AXDND1: variants seen among roughly 807,000 people sequenced by gnomAD.
The protein encoded by AXDND1 is axonemal dynein light chain domain containing 1, also known as axonemal dynein light chain domain-containing protein 1.
Under a neutral mutation model 137.5 loss-of-function variants are expected in AXDND1, and 110 were observed. The ratio of observed to expected loss-of-function variants is 0.80; its 90% CI spans 0.69 to 0.94. The LOEUF (loss-of-function observed/expected upper bound fraction) is 0.94. Among genes scored for constraint, AXDND1 ranks in the 40% least tolerant of loss-of-function variants. AXDND1 has a pLI of 0.00. For missense variants in AXDND1, 1,191 were observed against 1,169.8 expected, an observed-to-expected ratio of 1.02 and a Z score of -0.26; for synonymous variants, 414 against 399.7, an observed-to-expected ratio of 1.04 and a Z score of -0.43.
In AXDND1 at chr1:179,554,638, A is replaced by T. The variant is rs1673806028; in HGVS notation, c.*119A>T. The T allele has an allele frequency of 6.7e-7, 1 of 1,482,080 alleles. No homozygotes were observed. Among genetic ancestry groups the T allele is most frequent in the Non-Finnish European group, 9.4e-7 (1 of 1,062,246 alleles). 91.8% of individuals were successfully genotyped at this position (1,482,080 alleles called of 1,614,324 possible). A position where few individuals can be genotyped will look rare whatever the true frequency, so the allele number is the denominator to read the frequency against. On this transcript the variant is annotated 3_prime_UTR_variant, in exon 26 of 26. Coordinates refer to ENST00000367618, the MANE Select transcript of AXDND1 (RefSeq NM_144696.6). ...GTACTAAGGAACAACATTCCCTTTG[A>T]AAGGACATTATTTGCCTGTTGTATT...
chr1:179,448,167 C>G, intron 16 of AXDND1: 1 of 927,720 alleles, frequency 1.1e-6, no homozygotes, highest in South Asian at 1.3e-5. Context: ...TGAGCTGTCG[C>G]ACCCTCTGTG....
intron 21 of AXDND1, among the ~76,000 whole-genome samples, chr1:179,522,461 T>G (rs1670153826): frequency 1.3e-5 from 2 of 152,184 alleles, no homozygotes; most frequent in Admixed American, 6.5e-5. Flanking sequence ...AGAATGTTTA[T>G]TACAGCATAG....
Position 179,534,723 on chromosome 1 carries a change from A to G in AXDND1, c.2799-7A>G, listed in dbSNP as rs752226976. ...TCTATTTTGTTGTGTCTTCTCTTCC[A>G]TATCAGGGAGGTTGAAAATAGAGCC... is the stretch of plus-strand genomic sequence containing the variant. On this transcript the variant is annotated splice_region_variant and splice_polypyrimidine_tract_variant and intron_variant, in intron 24 of 25. Coordinates refer to ENST00000367618, the MANE Select transcript of AXDND1 (RefSeq NM_144696.6). 6 of 1,570,508 alleles carry G rather than the reference A, an allele frequency of 3.8e-6. No homozygotes were observed. The highest frequency in any genetic ancestry group is 1.4e-5 in the African/African-American group (1 of 72,266).
chr1:179,508,741 C>T (rs1572121449), intron 20 of AXDND1, among the ~76,000 whole-genome samples: 1 of 151,770 alleles, frequency 6.6e-6, no homozygotes, highest in East Asian at 1.9e-4. Context: ...TAAGCACAGA[C>T]CACATAGATT....
intron 23 of AXDND1, 134 bp from the exon 24 acceptor site, chr1:179,533,661 T>C (rs1171339118): frequency 5.5e-6 from 3 of 543,026 alleles, no homozygotes; most frequent in African/African-American, 1.9e-5. Context: ...AAGGGTGTGC[T>C]TAACCATCTA....
intron 16 of AXDND1, among the ~76,000 whole-genome samples, chr1:179,462,496 C>T (rs943477753): frequency 9.9e-5 from 15 of 152,088 alleles, no homozygotes; most frequent in Non-Finnish European, 2.2e-4. Flanking sequence ...GGATATTGGT[C>T]TAAAATTCTC....
At chr1:179,504,359 T>G (rs1490927048) in intron 20 of AXDND1, among the ~76,000 whole-genome samples, 1 of 152,154 alleles carries the variant, frequency 6.6e-6, no homozygotes, top group Non-Finnish European at 1.5e-5. Flanking sequence ...ATCCTGATTT[T>G]GGCAGGCTGG....
At chr1:179,393,311 G>A (rs781625015) in intron 9 of AXDND1, among the ~76,000 whole-genome samples, 2 of 152,170 alleles carry the variant, frequency 1.3e-5, no homozygotes, top group Non-Finnish European at 2.9e-5. Context: ...TCTCTAGTCT[G>A]TTCCGTTGGT....
At chr1:179,449,328 T>C (rs1193452387) in intron 16 of AXDND1, 1 of 307,520 alleles carries the variant, frequency 3.3e-6, no homozygotes, top group African/African-American at 2.3e-5. Flanking sequence ...CAAAAATCAG[T>C]TAACCAGAGA....
chr1:179,412,800 T>C (rs1654095596), intron 12 of AXDND1, among the ~76,000 whole-genome samples: 1 of 152,216 alleles, frequency 6.6e-6, no homozygotes, highest in Non-Finnish European at 1.5e-5. Context: ...CTGATTTCTT[T>C]AGCAAAAATT....
chr1:179,456,912 C>T (rs1165608113), intron 16 of AXDND1: 7 of 1,142,658 alleles, frequency 6.1e-6, no homozygotes, highest in Middle Eastern at 2.8e-4. Flanking sequence ...TCTTTTCTTG[C>T]CACTGCCTCA....
At chr1:179,499,880 C>T (rs757187969) in intron 20 of AXDND1, among the ~76,000 whole-genome samples, 5 of 151,928 alleles carry the variant, frequency 3.3e-5, no homozygotes, top group African/African-American at 4.8e-5. Flanking sequence ...AGAAGACTTG[C>T]GAATAAATTA....
intron 21 of AXDND1, among the ~76,000 whole-genome samples, chr1:179,516,656 G>A (rs1042062540): frequency 6.6e-6 from 1 of 152,172 alleles, no homozygotes; most frequent in African/African-American, 2.4e-5. Flanking sequence ...CTCCCTTGAT[G>A]TAGTACTCTC....
intron 11 of AXDND1, among the ~76,000 whole-genome samples, chr1:179,410,306 C>T (rs764565867): frequency 3.9e-5 from 6 of 152,202 alleles, no homozygotes; most frequent in Non-Finnish European, 8.8e-5. Flanking sequence ...TCTCGGCTCA[C>T]TGCAACCTCT....
At chr1:179,373,563 C>G (rs1394878731) in intron 4 of AXDND1, among the ~76,000 whole-genome samples, 1 of 152,174 alleles carries the variant, frequency 6.6e-6, no homozygotes, top group East Asian at 1.9e-4. Flanking sequence ...ATCACGCTAC[C>G]TGACTTCAAA....
intron 6 of AXDND1, among the ~76,000 whole-genome samples, chr1:179,379,945 T>C (rs1320509121): frequency 6.6e-6 from 1 of 151,878 alleles, no homozygotes; most frequent in Non-Finnish European, 1.5e-5. Context: ...GCCATCCTAA[T>C]ACAATTAAGA....
At chr1:179,548,694 A>G (rs894301441) in intron 25 of AXDND1, 2 of 152,246 alleles carry the variant, frequency 1.3e-5, no homozygotes, top group Admixed American at 1.3e-4. Context: ...AGAGCCATCC[A>G]GACATGGTCC....
At position 179,498,299 on chromosome 1, in the gene AXDND1, C is replaced by T. The variant is rs146430777; in HGVS notation, c.2388+5348C>T. Among the ~76,000 whole-genome samples the T allele has an allele frequency of 2.0e-5, 3 of 151,842 alleles. No homozygotes were observed. In the East Asian group the frequency reaches 5.8e-4, roughly 29 times the overall value. On this transcript the variant is annotated intron_variant, in intron 20 of 25. Coordinates refer to ENST00000367618, the MANE Select transcript of AXDND1 (RefSeq NM_144696.6). ...AAACAGCATGGTACTGGTACAAAAACAGACATGTAGACTAATGGAACATAA... is the reference window on the plus strand; with the variant it reads ...AAACAGCATGGTACTGGTACAAAAATAGACATGTAGACTAATGGAACATAA...
chr1:179,498,701 G>C (rs1227780235), intron 20 of AXDND1, among the ~76,000 whole-genome samples: 1 of 152,032 alleles, frequency 6.6e-6, no homozygotes, highest in African/African-American at 2.4e-5. Context: ...CTAATATCTA[G>C]AATCTATAGG....
Sources: gnomAD v4.1 joint callset for allele counts (sites outside exome capture counted in the v4.1 genomes callset) on GRCh38, gnomAD v4.1.1 for gene constraint, MANE v1.5 for transcripts, NCBI Gene and HGNC (gene_info 2026-07-23, HGNC 2026-07-21) for gene names.